The following OSBP variants were observed in gnomAD, a reference collection of about 807,000 sequenced individuals.
OSBP encodes oxysterol binding protein.
OSBP carries 32 observed loss-of-function variants against 96.6 expected under a neutral mutation model. That is an observed-to-expected ratio of 0.33 (90% confidence interval 0.25 to 0.45). The LOEUF is 0.45. OSBP is among the 20% of genes least tolerant of loss of function. The pLI is 1.00. For missense variants in OSBP, 653 were observed against 1,029.7 expected (o/e 0.63, Z 5.01); for synonymous variants, 369 against 389.6 (o/e 0.95, Z 0.62).
At position 59,614,983 on chromosome 11, in the gene OSBP, T is replaced by C. The variant is rs538858098; in HGVS notation, c.362+320A>G. 1.2e-4 allele frequency among the ~76,000 whole-genome samples: 19 copies of C among 152,258 alleles called. No individual in the cohort carries two copies. The South Asian group carries it at 3.7e-3, about 30-fold the overall frequency. On this transcript the variant is annotated intron_variant, in intron 1 of 13. Transcript: ENST00000263847. The stretch of plus-strand genomic sequence containing the variant: ...TACACCAGTGCCTTGCTTGCAGAAT[T>C]AATAATTGCACCCATGTGCTGGTGG...
intron 9 of OSBP, among the ~76,000 whole-genome samples, chr11:59,592,149 A>G (rs558937898): frequency 1.3e-5 from 2 of 152,308 alleles, no homozygotes; most frequent in African/African-American, 4.8e-5. Context: ...TACTACTCTT[A>G]AGCTAATACT....
chr11:59,582,547 T>A, intron 9 of OSBP, among the ~76,000 whole-genome samples: 1 of 152,160 alleles, frequency 6.6e-6, no homozygotes, highest in East Asian at 1.9e-4. Flanking sequence ...CCCTGAATAA[T>A]AAAACGGTAA....
At chr11:59,585,893 G>A (rs1860493956) in intron 9 of OSBP, among the ~76,000 whole-genome samples, 1 of 152,166 alleles carries the variant, frequency 6.6e-6, no homozygotes, top group Non-Finnish European at 1.5e-5. Context: ...CTCTGAACAT[G>A]TGCTGTGTCC....
chr11:59,600,660 C>A (rs1015559425), intron 6 of OSBP, 33 bp from the exon 7 acceptor site: 52 of 1,601,638 alleles, frequency 3.2e-5, no homozygotes, highest in Non-Finnish European at 4.2e-5. Context: ...CAACCACCCA[C>A]AAAGAACAGA....
At chr11:59,609,666 C>T (rs918368029) in intron 2 of OSBP, among the ~76,000 whole-genome samples, 10 of 152,296 alleles carry the variant, frequency 6.6e-5, no homozygotes, top group African/African-American at 2.4e-4. Flanking sequence ...AGATGACCAT[C>T]TTGGTCAGTT....
At chr11:59,578,478 T>C in intron 11 of OSBP, 148 bp from the exon 12 acceptor site, 2 of 769,176 alleles carry the variant, frequency 2.6e-6, no homozygotes, top group Non-Finnish European at 4.2e-6. Flanking sequence ...AGAGATGGGA[T>C]CTTGCTCTGT....
At chr11:59,605,927 TAC>T (rs1311760059) in intron 3 of OSBP, among the ~76,000 whole-genome samples, 1 of 152,142 alleles carries the variant, frequency 6.6e-6, no homozygotes, top group Non-Finnish European at 1.5e-5. Context: ...TGCCTCAAGT[TAC>T]AGAGATAGGT....
intron 4 of OSBP, 89 bp downstream of exon 4, chr11:59,601,551 G>A (rs529024960): frequency 8.0e-7 from 1 of 1,250,284 alleles, no homozygotes; most frequent in Non-Finnish European, 1.2e-6. Flanking sequence ...ATGACTCATT[G>A]ACTGTGAAGA....
At chr11:59,584,153 C>T (rs980474119) in intron 9 of OSBP, among the ~76,000 whole-genome samples, 5 of 151,694 alleles carry the variant, frequency 3.3e-5, no homozygotes, top group African/African-American at 1.2e-4. Context: ...CACTATGTTG[C>T]CTAAACTGGT....
At chr11:59,607,487 G>C (rs1290354157) in intron 3 of OSBP, among the ~76,000 whole-genome samples, 2 of 152,092 alleles carry the variant, frequency 1.3e-5, no homozygotes, top group Non-Finnish European at 2.9e-5. Flanking sequence ...TATTAAGTAA[G>C]AAAGGGGTTA....
intron 7 of OSBP, among the ~76,000 whole-genome samples, chr11:59,594,879 C>G (rs1043757101): frequency 3.3e-5 from 5 of 152,056 alleles, no homozygotes; most frequent in Non-Finnish European, 5.9e-5. Flanking sequence ...AATTCTGAAG[C>G]CAGCTTAAGG....
intron 9 of OSBP, among the ~76,000 whole-genome samples, chr11:59,588,580 C>T (rs1239794507): frequency 1.3e-5 from 2 of 151,486 alleles, no homozygotes; most frequent in East Asian, 1.9e-4. Context: ...ATAGAGTTCC[C>T]GTTTTACAAG....
rs1396864644 is a variant in OSBP at position 59,576,647 on chromosome 11, T to C, written c.2354A>G (p.His785Arg). The change falls in exon 14 of 14, where the codon CAT becomes CGT. Residue 785 changes from histidine to arginine, a missense_variant. His to Arg is a conservative substitution (Grantham distance 29). Coordinates refer to ENST00000263847, the MANE Select transcript of OSBP (RefSeq NM_002556.3). The stretch of plus-strand genomic sequence containing the variant: ...CTCCCAGTATTCTCCCCTATAAATA[T>C]GGGTTAACTCCTTGGTAACAGGGTC... ...KKDPVTKELT[H>R]IYRGEYWECK... 6 of 1,614,022 alleles carry C rather than the reference T, an allele frequency of 3.7e-6. No homozygotes were observed. The highest frequency in any genetic ancestry group is 5.1e-6 in the Non-Finnish European group (6 of 1,180,010).
chr11:59,577,133 C>T, intron 12 of OSBP, 108 bp from the exon 13 acceptor site: 1 of 846,560 alleles, frequency 1.2e-6, no homozygotes, highest in Non-Finnish European at 1.8e-6. Context: ...GGCTGTTCTA[C>T]AAAAACAGGA....
chr11:59,576,975 T>C lies in OSBP; in HGVS notation c.2111A>G (p.Asn704Ser), dbSNP rs945182920. Residue 704 changes from asparagine to serine, a missense_variant, in exon 13 of 14, where the codon AAT becomes AGT. By Grantham distance (46) the Asn-to-Ser change is conservative (BLOSUM62 1). Transcript: ENST00000263847. ...GGGGGCAGTGCCACTTTCCCAAGCA[T>C]TGAGAGTCAGAGCAAGCTCTGAGAA... ...YYFSELALTL[N>S]AWESGTAPTD... is the part of the protein sequence containing the mutation. The C allele has an allele frequency of 2.5e-6, 4 of 1,614,040 alleles. No individual in the cohort carries two copies. The highest frequency in any genetic ancestry group is 2.2e-5 in the East Asian group (1 of 44,894).
At chr11:59,584,517 T>C (rs536695329) in intron 9 of OSBP, among the ~76,000 whole-genome samples, 8 of 152,236 alleles carry the variant, frequency 5.3e-5, no homozygotes, top group African/African-American at 1.9e-4. Flanking sequence ...ATACACCACA[T>C]GAACAGAATG....
rs755756593 is a variant in OSBP at position 59,587,879 on chromosome 11, T to A, written c.1678+5725A>T. 1.6e-4 allele frequency among the ~76,000 whole-genome samples: 25 copies of A among 151,904 alleles called. 1 individual carries two copies. Among genetic ancestry groups the A allele is most frequent in the Non-Finnish European group, 3.4e-4 (23 of 67,918 alleles). On this transcript the variant is annotated intron_variant, in intron 9 of 13. Transcript: ENST00000263847. ...AGAGATATTTGTTGTTTTTTAAACA[T>A]TTTTTTTTCTTAAGACTTTAGGCAA...
intron 9 of OSBP, among the ~76,000 whole-genome samples, chr11:59,587,271 C>T (rs1252403381): frequency 6.6e-6 from 1 of 152,116 alleles, no homozygotes; most frequent in East Asian, 1.9e-4. Flanking sequence ...GAAGCCGAGG[C>T]AGGCAGATCA....
At position 59,610,431 on chromosome 11, in the gene OSBP, G is replaced by A. The variant is rs1479695225; in HGVS notation, c.521C>T (p.Thr174Met). ...TTTGGCCTTGGCCAGTTCCAGGGCC[G>A]TCACCCAGCGCTGCCGCTCAACTTC... ...SSEVERQRWV[T>M]ALELAKAKAV... The change falls in exon 2 of 14, where the codon ACG (threonine) becomes ATG (methionine). Residue 174 changes from threonine (T) to methionine (M), a missense_variant. Physicochemically the swap from Thr to Met is moderately conservative, Grantham distance 81. This residue lies in a region of OSBP where 308 missense variants were observed against 573.1 expected (regional missense o/e 0.54). Coordinates refer to ENST00000263847, the MANE Select transcript of OSBP (RefSeq NM_002556.3). The A allele has an allele frequency of 2.5e-6, 4 of 1,613,896 alleles. No individual in the cohort carries two copies. The highest frequency in any genetic ancestry group is 3.4e-6 in the Non-Finnish European group (4 of 1,180,034).
Sources: gnomAD v4.1 joint callset for allele counts (sites outside exome capture counted in the v4.1 genomes callset) on GRCh38, gnomAD v4.1.1 for gene constraint, gnomAD v4.1.1 regional missense constraint, MANE v1.5 for transcripts, NCBI Gene and HGNC (gene_info 2026-07-23, HGNC 2026-07-21) for gene names.